CDK5RAP2: variants seen among roughly 807,000 people sequenced by gnomAD.
CDK5RAP2 encodes CDK5 regulatory subunit associated protein 2, also known as CDK5 regulatory subunit-associated protein 2.
CDK5RAP2 carries 147 observed loss-of-function variants against 232.9 expected under a neutral mutation model. The observed-to-expected ratio is 0.63, with a 90% CI of 0.55 to 0.72. The LOEUF (loss-of-function observed/expected upper bound fraction) is 0.72. Among genes scored for constraint, CDK5RAP2 ranks in the 30% least tolerant of loss-of-function variants. The pLI is 0.00. For missense variants in CDK5RAP2, 2,195 were observed against 2,231.5 expected (o/e 0.98, Z 0.33); for synonymous variants, 833 against 833.7 (o/e 1.00, Z 0.01).
chr9:120,425,642 G>A (rs1564199568), intron 25 of CDK5RAP2, among the ~76,000 whole-genome samples: 1 of 152,162 alleles, frequency 6.6e-6, no homozygotes, highest in Non-Finnish European at 1.5e-5. Context: ...TGCTTAAGAA[G>A]CCACTTTTGA....
At chr9:120,480,048 T>TAAAACTATTTCA (rs2038218782) in intron 14 of CDK5RAP2, among the ~76,000 whole-genome samples, 1 of 152,214 alleles carries the variant, frequency 6.6e-6, no homozygotes, top group Non-Finnish European at 1.5e-5. Flanking sequence ...TCTACAAATT[T>TAAAACTATTTCA]AAAACTATTT....
intron 13 of CDK5RAP2, among the ~76,000 whole-genome samples, chr9:120,488,987 C>T (rs1183501811): frequency 6.6e-6 from 1 of 152,162 alleles, no homozygotes; most frequent in Non-Finnish European, 1.5e-5. Flanking sequence ...TTTGGTGATT[C>T]CTTTATACAT....
intron 34 of CDK5RAP2, among the ~76,000 whole-genome samples, chr9:120,402,104 C>G (rs540358899): frequency 6.6e-6 from 1 of 152,090 alleles, no homozygotes; most frequent in African/African-American, 2.4e-5. Context: ...CCAGCCTGGG[C>G]AACAGAGTGA....
chr9:120,491,560 C>A lies in CDK5RAP2; in HGVS notation c.1312-83G>T, dbSNP rs528821627. 3.4e-6 allele frequency: 3 copies of A among 881,130 alleles called. No homozygotes were observed. In the Admixed American group the frequency reaches 5.9e-5, roughly 17 times the overall value. The allele number at this position is 881,130 out of a possible 1,614,324, so 54.6% of individuals were successfully genotyped here. On this transcript the variant is annotated intron_variant, in intron 12 of 37. Coordinates refer to ENST00000349780, the MANE Select transcript of CDK5RAP2 (RefSeq NM_018249.6). ...TGTTTGACTTGCTAAATTACTGCTA[C>A]AAGAGAGCAAGATAATAGATGTATT...
At chr9:120,562,524 A>G (rs1449440986) in intron 3 of CDK5RAP2, among the ~76,000 whole-genome samples, 1 of 151,928 alleles carries the variant, frequency 6.6e-6, no homozygotes, top group South Asian at 2.1e-4. Flanking sequence ...TGGCTATGAC[A>G]CTCGCTCTGC....
chr9:120,577,991 C>T (rs1444018115), intron 1 of CDK5RAP2, among the ~76,000 whole-genome samples: 1 of 152,186 alleles, frequency 6.6e-6, no homozygotes, highest in Non-Finnish European at 1.5e-5. Flanking sequence ...GTTCTCACGC[C>T]GGGCGCGGTG....
At chr9:120,408,129 C>T in intron 31 of CDK5RAP2, 1 of 591,514 alleles carries the variant, frequency 1.7e-6, no homozygotes, top group South Asian at 1.8e-5. Flanking sequence ...GGAACCCGGA[C>T]CTCGGCTGGC....
intron 3 of CDK5RAP2, among the ~76,000 whole-genome samples, chr9:120,565,617 C>A (rs998800479): frequency 6.6e-6 from 1 of 152,194 alleles, no homozygotes; most frequent in African/African-American, 2.4e-5. Flanking sequence ...GTTCAGGGAA[C>A]TTACAGCTCT....
At chr9:120,390,761 G>A (rs1198116591) in intron 36 of CDK5RAP2, among the ~76,000 whole-genome samples, 1 of 152,176 alleles carries the variant, frequency 6.6e-6, no homozygotes, top group African/African-American at 2.4e-5. Context: ...GGCTGTAACA[G>A]ACTCAACGCC....
At chr9:120,485,889 C>G (rs984048076) in intron 14 of CDK5RAP2, among the ~76,000 whole-genome samples, 1 of 152,154 alleles carries the variant, frequency 6.6e-6, no homozygotes, top group Non-Finnish European at 1.5e-5. Flanking sequence ...GCTGGCCCAG[C>G]CCAAGGGCTC....
chr9:120,490,765 A>G (rs2038862317), intron 13 of CDK5RAP2, among the ~76,000 whole-genome samples: 1 of 151,936 alleles, frequency 6.6e-6, no homozygotes, highest in Non-Finnish European at 1.5e-5. Flanking sequence ...CTATTCTCCT[A>G]GTTAGTCCCT....
chr9:120,573,043 C>T (rs771544571), intron 1 of CDK5RAP2, among the ~76,000 whole-genome samples: 2 of 152,190 alleles, frequency 1.3e-5, no homozygotes, highest in African/African-American at 4.8e-5. Context: ...ACGAATACTT[C>T]CCTATCCCAC....
At chr9:120,577,098 A>G (rs2043062477) in intron 1 of CDK5RAP2, among the ~76,000 whole-genome samples, 1 of 152,100 alleles carries the variant, frequency 6.6e-6, no homozygotes, top group African/African-American at 2.4e-5. Context: ...GCAATGGCAC[A>G]TACCTATAAT....
At chr9:120,436,337 G>C (rs2035576593) in intron 25 of CDK5RAP2, among the ~76,000 whole-genome samples, 1 of 152,186 alleles carries the variant, frequency 6.6e-6, no homozygotes, top group Non-Finnish European at 1.5e-5. Flanking sequence ...ATCACGAAAA[G>C]AAGAAAGGGT....
chr9:120,533,310 T>C lies in CDK5RAP2; in HGVS notation c.662+3062A>G, dbSNP rs141652731. Among the ~76,000 whole-genome samples the C allele has an allele frequency of 3.3e-5, 5 of 152,250 alleles. No individual in the cohort carries two copies. In the East Asian group the frequency reaches 9.6e-4, roughly 29 times the overall value. ...GGTTAAGGAATGAATCTATACTTCC[T>C]CTAATTCAAGCTTTAATTCATACAC... On this transcript the variant is annotated intron_variant, in intron 7 of 37. Coordinates refer to ENST00000349780, the MANE Select transcript of CDK5RAP2 (RefSeq NM_018249.6).
At chr9:120,409,103 C>G (rs768010333) in intron 30 of CDK5RAP2, 24 bp downstream of exon 30, 1 of 1,608,468 alleles carries the variant, frequency 6.2e-7, no homozygotes, top group Non-Finnish European at 8.5e-7. Flanking sequence ...GGCCAGCAGG[C>G]CACCAGGGAA....
At chr9:120,512,029 C>T (rs1180423471) in intron 12 of CDK5RAP2, among the ~76,000 whole-genome samples, 8 of 152,084 alleles carry the variant, frequency 5.3e-5, no homozygotes, top group African/African-American at 9.7e-5. Flanking sequence ...TGAGCCACCG[C>T]GCCCGGCCAC....
chr9:120,503,551 A>G (rs543514632), intron 12 of CDK5RAP2, among the ~76,000 whole-genome samples: 1 of 152,342 alleles, frequency 6.6e-6, no homozygotes, highest in South Asian at 2.1e-4. Flanking sequence ...CTCCTTCGAT[A>G]TTCCTGGACT....
intron 25 of CDK5RAP2, among the ~76,000 whole-genome samples, chr9:120,424,763 G>C (rs994407080): frequency 6.8e-6 from 1 of 147,822 alleles, no homozygotes; most frequent in South Asian, 2.2e-4. Context: ...ACAGTGACAC[G>C]ATCTCGACTT....
Sources: gnomAD v4.1 joint callset for allele counts (sites outside exome capture counted in the v4.1 genomes callset) on GRCh38, gnomAD v4.1.1 for gene constraint, MANE v1.5 for transcripts, NCBI Gene and HGNC (gene_info 2026-07-23, HGNC 2026-07-21) for gene names.